GLI1: variants seen among roughly 807,000 people sequenced by gnomAD.
GLI1 encodes GLI family zinc finger 1, also known as transcription activator GLI1.
A neutral mutation model predicts 87.8 loss-of-function variants in GLI1; 51 were observed. The observed-to-expected ratio is 0.58, with a 90% CI of 0.46 to 0.73. The LOEUF (loss-of-function observed/expected upper bound fraction) is 0.73. Among genes scored for constraint, GLI1 ranks in the 30% least tolerant of loss-of-function variants. The pLI is 0.00. For missense variants in GLI1, 1,292 were observed against 1,437.2 expected (o/e 0.90, Z 1.63); for synonymous variants, 528 against 558.2 (o/e 0.95, Z 0.76).
rs1042660638 is a variant in GLI1 at position 57,470,569 on chromosome 12, A to C, written c.1829A>C (p.Asp610Ala). 1.2e-6 allele frequency: 2 copies of C among 1,613,956 alleles called. No homozygotes were observed. The highest frequency in any genetic ancestry group is 2.7e-5 in the African/African-American group (2 of 74,920). The change falls in exon 12 of 12, where the codon GAT (aspartate) becomes GCT (alanine). Residue 610 changes from aspartate to alanine, a missense_variant. Around this residue, in one of 3 missense-constraint regions of GLI1, gnomAD observed 897 missense variants for 1,040.7 expected, o/e 0.86. Transcript: ENST00000228682. ...GTSPTAASSL[D>A]RIGGLPMPPW... ...TCGCCCACTGCAGCATCCAGCCTGG[A>C]TCGGATAGGTGGTCTTCCCATGCCT...
chr12:57,461,709 C>G (rs1422871407), intron 1 of GLI1, among the ~76,000 whole-genome samples: 2 of 150,968 alleles, frequency 1.3e-5, no homozygotes, highest in African/African-American at 4.9e-5. Context: ...GGAGCGGAGC[C>G]GTCTGCAGCC....
chr12:57,465,744 A>C (rs547132574), intron 6 of GLI1, 44 bp from the exon 7 acceptor site: 1 of 1,613,978 alleles, frequency 6.2e-7, no homozygotes, highest in East Asian at 2.2e-5. Context: ...AGCAAAACTA[A>C]AGCTGTCACC....
In GLI1 at chr12:57,466,409, A is replaced by C; in HGVS notation, c.912+20A>C. On this transcript the variant is annotated intron_variant, in intron 8 of 11. Coordinates refer to ENST00000228682, the MANE Select transcript of GLI1 (RefSeq NM_005269.3). ...TGCACGGTGAGGCACCAGTGTCCCAAGTCCAGGGTCTCTTCCTAAATCAGG... is the reference window on the plus strand; with the variant it reads ...TGCACGGTGAGGCACCAGTGTCCCACGTCCAGGGTCTCTTCCTAAATCAGG... 1.3e-6 allele frequency: 2 copies of C among 1,598,250 alleles called. No homozygotes were observed. Among genetic ancestry groups the C allele is most frequent in the Non-Finnish European group, 1.7e-6 (2 of 1,169,478 alleles).
intron 9 of GLI1, 105 bp downstream of exon 9, chr12:57,467,602 TC>T: frequency 1.1e-6 from 1 of 931,958 alleles, no homozygotes; most frequent in Non-Finnish European, 1.6e-6. Context: ...CAGAGGTGAG[TC>T]CCCCTCCCCA....
At position 57,468,015 on chromosome 12, in the gene GLI1, C is replaced by T; in HGVS notation, c.1099C>T (p.Pro367Ser). Residue 367 changes from proline (P) to serine (S), a missense_variant, in exon 10 of 12, where the codon CCT becomes TCT. Around this residue, in one of 3 missense-constraint regions of GLI1, gnomAD observed 897 missense variants for 1,040.7 expected, o/e 0.86. Coordinates refer to ENST00000228682, the MANE Select transcript of GLI1 (RefSeq NM_005269.3). ...ACAGAAGCCGTATGTATGTAAGCTC[C>T]CTGGCTGCACCAAACGCTATACAGA... ...SNEKPYVCKL[P>S]GCTKRYTDPS... 6.2e-7 allele frequency: 1 copy of T among 1,613,976 alleles called. No individual in the cohort carries two copies. The highest frequency in any genetic ancestry group is 8.5e-7 in the Non-Finnish European group (1 of 1,179,854).
At position 57,468,104 on chromosome 12, in the gene GLI1, G is replaced by T; in HGVS notation, c.1188G>T (p.Arg396=). The T allele has an allele frequency of 6.2e-7, 1 of 1,614,146 alleles. No homozygotes were observed. Among genetic ancestry groups the T allele is most frequent in the South Asian group, 1.1e-5 (1 of 91,082 alleles). The change falls in exon 10 of 12, where the codon CGG becomes CGT. Residue 396 remains arginine, a synonymous_variant. Transcript: ENST00000228682. ...VHGPDAHVTK[R]HRGDGPLPRA... ...GTCCTGACGCCCATGTGACCAAACGGCACCGTGGGGATGGCCCCCTGCCTC... is the reference window on the plus strand; with the variant it reads ...GTCCTGACGCCCATGTGACCAAACGTCACCGTGGGGATGGCCCCCTGCCTC...
At chr12:57,463,117 C>T (rs1054839510) in intron 1 of GLI1, among the ~76,000 whole-genome samples, 1 of 152,186 alleles carries the variant, frequency 6.6e-6, no homozygotes, top group Non-Finnish European at 1.5e-5. Context: ...GGCAAAGCTC[C>T]CACCCAGTTC....
In GLI1 at chr12:57,464,042, C is replaced by G; in HGVS notation, c.144C>G (p.Ser48=). 6.2e-7 allele frequency: 1 copy of G among 1,613,964 alleles called. No individual in the cohort carries two copies. Among genetic ancestry groups the G allele is most frequent in the Non-Finnish European group, 8.5e-7 (1 of 1,179,826 alleles). Residue 48 remains serine (S), a synonymous_variant, in exon 3 of 12, where the codon TCC becomes TCG. Transcript: ENST00000228682. ...TCTGCCACCAAGCTAACCTCATGTC[C>G]GGCCCCCACAGTTATGGGCCAGCCA... The part of the protein sequence containing the change: ...PPFCHQANLM[S]GPHSYGPARE...
chr12:57,470,490 G>T lies in GLI1; in HGVS notation c.1750G>T (p.Ala584Ser). The T allele has an allele frequency of 6.2e-7, 1 of 1,614,060 alleles. No individual in the cohort carries two copies. Among genetic ancestry groups the T allele is most frequent in the African/African-American group, 1.3e-5 (1 of 75,056 alleles). ...ATCCTCCCTGCCTGGCCTTATGCCTGCCCAGCACTACCTGCTTCGGGCAAG... is the reference window on the plus strand; with the variant it reads ...ATCCTCCCTGCCTGGCCTTATGCCTTCCCAGCACTACCTGCTTCGGGCAAG... The part of the protein sequence containing the change: ...GASSLPGLMP[A>S]QHYLLRARYA... Residue 584 changes from alanine to serine, a missense_variant, in exon 12 of 12, where the codon GCC becomes TCC. Ala to Ser is a moderately conservative substitution (Grantham distance 99). Transcript: ENST00000228682.
In GLI1 at chr12:57,465,832, AGAG is replaced by A. The variant is rs551702105; in HGVS notation, c.673_675del (p.Glu225del). On this transcript the variant is annotated inframe_deletion, in exon 7 of 12. Transcript: ENST00000228682. ...TGGATGGGCGGGAGGACCTCGAGAG[AGAG>A]GAGAAGCGTGAGCCTGAATCTGTGT... The A allele has an allele frequency of 2.2e-5, 35 of 1,613,968 alleles. No individual in the cohort carries two copies. The highest frequency in any genetic ancestry group is 1.6e-4 in the Middle Eastern group (1 of 6,084).
At chr12:57,460,778 CG>C (rs368903024) in intron 1 of GLI1, among the ~76,000 whole-genome samples, 64 of 40,954 alleles carry the variant, frequency 1.6e-3, no homozygotes, top group Non-Finnish European at 1.5e-3. Context: ...GGGGCTGGGG[CG>C]GGGGGGGGCT....
chr12:57,462,430 C>A (rs1449265033), intron 1 of GLI1, among the ~76,000 whole-genome samples: 1 of 152,058 alleles, frequency 6.6e-6, no homozygotes, highest in Non-Finnish European at 1.5e-5. Flanking sequence ...CCGGCCCGGC[C>A]CGCTCCCGGT....
intron 9 of GLI1, 49 bp from the exon 10 acceptor site, chr12:57,467,945 T>G: frequency 7.4e-7 from 1 of 1,343,106 alleles, no homozygotes; most frequent in Non-Finnish European, 1.1e-6. Flanking sequence ...TCTTCTGCAT[T>G]CTTCCGCTTT....
intron 7 of GLI1, 31 bp from the exon 8 acceptor site, chr12:57,466,209 C>T: frequency 2.5e-6 from 4 of 1,598,220 alleles, no homozygotes; most frequent in Non-Finnish European, 2.6e-6. Flanking sequence ...CATGGGAGAG[C>T]CTTGGAGAGC....
intron 3 of GLI1, 122 bp from the exon 4 acceptor site, chr12:57,464,551 T>C (rs1871348465): frequency 1.6e-6 from 1 of 628,566 alleles, no homozygotes; most frequent in Non-Finnish European, 2.7e-6. Flanking sequence ...AAGTCACAGA[T>C]AGCATCAATA....
rs1358164612 is a variant in GLI1 at position 57,471,142 on chromosome 12, G to A, written c.2402G>A (p.Ser801Asn). The A allele has an allele frequency of 1.9e-6, 3 of 1,612,498 alleles. No individual in the cohort carries two copies. The highest frequency in any genetic ancestry group is 2.5e-6 in the Non-Finnish European group (3 of 1,179,346). The change falls in exon 12 of 12, where the codon AGC becomes AAC. Residue 801 changes from serine to asparagine, a missense_variant. Physicochemically the swap from Ser to Asn is conservative, Grantham distance 46. Around this residue, in one of 3 missense-constraint regions of GLI1, gnomAD observed 897 missense variants for 1,040.7 expected, o/e 0.86. Transcript: ENST00000228682. The surrounding 1 kb of genome is among the most constrained non-coding windows in gnomAD (Gnocchi z 4.9). ...PGPKALGGTY[S>N]QCPRLEHYGQ... ...CCCAAGGCTCTAGGTGGAACCTACA[G>A]CCAGTGTCCTCGACTTGAACATTAT... is the stretch of plus-strand genomic sequence containing the variant.
At position 57,466,297 on chromosome 12, in the gene GLI1, G is replaced by C. The variant is rs563340967; in HGVS notation, c.820G>C (p.Gly274Arg). The C allele has an allele frequency of 1.1e-5, 17 of 1,613,970 alleles. No individual in the cohort carries two copies. The Admixed American group carries it at 1.3e-4, about 13-fold the overall frequency. ...ERKEFVCHWG[G>R]CSRELRPFKA... is the part of the protein sequence containing the mutation. ...GAAGGAGTTCGTGTGCCACTGGGGG[G>C]GCTGCTCCAGGGAGCTGAGGCCCTT... is the stretch of plus-strand genomic sequence containing the variant. The change falls in exon 8 of 12, where the codon GGC becomes CGC. Residue 274 changes from glycine to arginine, a missense_variant. Transcript: ENST00000228682.
chr12:57,467,725 A>G (rs781613938), intron 9 of GLI1, among the ~76,000 whole-genome samples: 9 of 152,168 alleles, frequency 5.9e-5, no homozygotes, highest in African/African-American at 9.7e-5. Flanking sequence ...GATTCCATCT[A>G]GAGGAGACCC....
chr12:57,466,161 CAG>C (rs1871467073), intron 7 of GLI1, 77 bp from the exon 8 acceptor site: 11 of 1,440,664 alleles, frequency 7.6e-6, no homozygotes, highest in South Asian at 3.9e-5. Flanking sequence ...GGAAGAGGAA[CAG>C]GGGGTGGAGG....
Sources: gnomAD v4.1 joint callset for allele counts (sites outside exome capture counted in the v4.1 genomes callset) on GRCh38, gnomAD v4.1.1 for gene constraint, gnomAD v4.1.1 regional missense constraint, Gnocchi (gnomAD v3.1) non-coding constraint, MANE v1.5 for transcripts, NCBI Gene and HGNC (gene_info 2026-07-23, HGNC 2026-07-21) for gene names.